Variants in ME3 observed in about 807,000 individuals in gnomAD.
ME3 encodes the protein malic enzyme 3.
ME3 carries 48 observed loss-of-function variants against 68.9 expected under a neutral mutation model. That is an observed-to-expected ratio of 0.70 (90% CI 0.55 to 0.89). The LOEUF (loss-of-function observed/expected upper bound fraction) is 0.89. ME3 is among the 40% of genes least tolerant of loss of function. The pLI, the probability that ME3 is intolerant of heterozygous loss-of-function variation, is 0.00. For missense variants in ME3, 675 were observed against 797.4 expected, an observed-to-expected ratio of 0.85 and a Z score of 1.85; for synonymous variants, 320 against 318.8, an observed-to-expected ratio of 1.00 and a Z score of -0.04.
chr11:86,515,682 C>T (rs369770759), intron 4 of ME3, among the ~76,000 whole-genome samples: 1 of 152,118 alleles, frequency 6.6e-6, no homozygotes, highest in African/African-American at 2.4e-5. Flanking sequence ...CCTGAGATCC[C>T]GCTGATATGG....
At chr11:86,606,337 G>T (rs1435426249) in intron 2 of ME3, among the ~76,000 whole-genome samples, 2 of 152,078 alleles carry the variant, frequency 1.3e-5, no homozygotes, top group Admixed American at 6.5e-5. Flanking sequence ...CTGAGCTGCA[G>T]TTGGGGAAAT....
intron 2 of ME3, among the ~76,000 whole-genome samples, chr11:86,619,581 A>T (rs1031043052): frequency 6.6e-5 from 10 of 152,088 alleles, no homozygotes; most frequent in African/African-American, 2.4e-4. Context: ...GTCTCATGAG[A>T]TCTGATGGTT....
intron 4 of ME3, among the ~76,000 whole-genome samples, chr11:86,531,728 T>A (rs1955247807): frequency 6.7e-6 from 1 of 149,160 alleles, no homozygotes; most frequent in Admixed American, 6.9e-5. Context: ...AAACCATCAT[T>A]CTGAGCAAAC....
intron 4 of ME3, among the ~76,000 whole-genome samples, chr11:86,529,021 G>A (rs187771583): frequency 1.3e-5 from 2 of 152,214 alleles, no homozygotes; most frequent in East Asian, 3.9e-4. Context: ...CTGAACTGAA[G>A]GAGAGAGAGA....
At chr11:86,486,385 C>T (rs1407477706) in intron 7 of ME3, among the ~76,000 whole-genome samples, 1 of 152,186 alleles carries the variant, frequency 6.6e-6, no homozygotes, top group African/African-American at 2.4e-5. Context: ...AGTTTAGTAA[C>T]CTGCCCAAGG....
Position 86,492,945 on chromosome 11 carries a change from G to T in ME3, c.705+5018C>A, listed in dbSNP as rs142958205. 6.1e-3 allele frequency among the ~76,000 whole-genome samples: 925 copies of T among 152,248 alleles called. 3 individuals are homozygous for T. Among genetic ancestry groups the T allele is most frequent in the Non-Finnish European group, 9.2e-3 (623 of 68,018 alleles). ...TGGGAGGTCACGGGATTGGGTTCACGCTGTGGGCACAGCACGCTTTCTCCT... is the reference window on the plus strand; with the variant it reads ...TGGGAGGTCACGGGATTGGGTTCACTCTGTGGGCACAGCACGCTTTCTCCT... On this transcript the variant is annotated intron_variant, in intron 6 of 14. Transcript: ENST00000543262.
At position 86,482,480 on chromosome 11, in the gene ME3, A is replaced by G. The variant is rs565632295; in HGVS notation, c.809+4857T>C. On this transcript the variant is annotated intron_variant, in intron 7 of 14. Transcript: ENST00000543262. ...TATAGTGAGGGCTGCCCCATTCCTC[A>G]TCCTACCCAGGCTAGATAGGGTGTG... Among the ~76,000 whole-genome samples, 4 of 151,358 alleles carry G rather than the reference A, an allele frequency of 2.6e-5. No homozygotes were observed. In the South Asian group the frequency reaches 8.4e-4, roughly 32 times the overall value.
Position 86,628,887 on chromosome 11 carries a change from G to A in ME3, c.183+42875C>T, listed in dbSNP as rs118126925. On this transcript the variant is annotated intron_variant, in intron 2 of 14. Transcript: ENST00000543262. ...GGAGAAACGTTACATGGAGAGAAACGTCTAAATCTAGTATTGACAAGCAAG... is the reference window on the plus strand; with the variant it reads ...GGAGAAACGTTACATGGAGAGAAACATCTAAATCTAGTATTGACAAGCAAG... 3.5e-3 allele frequency among the ~76,000 whole-genome samples: 526 copies of A among 152,282 alleles called. 2 individuals carry two copies. Among genetic ancestry groups the A allele is most frequent in the Admixed American group, 6.2e-3 (95 of 15,292 alleles).
At chr11:86,670,597 GAT>G (rs1946863728) in intron 2 of ME3, among the ~76,000 whole-genome samples, 1 of 152,154 alleles carries the variant, frequency 6.6e-6, no homozygotes, top group Non-Finnish European at 1.5e-5. Flanking sequence ...ACTCCAATGT[GAT>G]AGAGGTTGAT....
At position 86,671,759 on chromosome 11, in the gene ME3, T is replaced by A. The variant is rs2135538818; in HGVS notation, c.183+3A>T. On this transcript the variant is annotated splice_donor_region_variant and intron_variant, in intron 2 of 14. Coordinates refer to ENST00000543262, the Ensembl canonical transcript of ME3. ...CGGGCCGTCCTGCCCTCTGGCCCAT[T>A]ACCTTGTTGAGATGAGGGTTCCTGG... 6.2e-7 allele frequency: 1 copy of A among 1,602,574 alleles called. No homozygotes were observed. The highest frequency in any genetic ancestry group is 1.1e-5 in the South Asian group (1 of 89,418).
intron 4 of ME3, among the ~76,000 whole-genome samples, chr11:86,544,713 G>A (rs1182462433): frequency 2.0e-5 from 3 of 152,176 alleles, no homozygotes; most frequent in South Asian, 2.1e-4. Context: ...ATTCATAGCC[G>A]AATTCTACTA....
At chr11:86,604,361 G>A (rs989727192) in intron 2 of ME3, among the ~76,000 whole-genome samples, 38 of 151,900 alleles carry the variant, frequency 2.5e-4, no homozygotes, top group Admixed American at 8.5e-4. Context: ...GGTTAAGGAG[G>A]GAGTCCATTC....
intron 6 of ME3, among the ~76,000 whole-genome samples, chr11:86,496,195 C>G (rs1952318186): frequency 1.3e-5 from 2 of 151,968 alleles, no homozygotes. Context: ...CACTTGAGGT[C>G]AGGAGTTTGA....
intron 2 of ME3, among the ~76,000 whole-genome samples, chr11:86,651,904 C>G (rs949001610): frequency 1.3e-5 from 2 of 152,152 alleles, no homozygotes; most frequent in Non-Finnish European, 2.9e-5. Context: ...CTTAAAGGAC[C>G]TCATGGAGCT....
At chr11:86,565,953 G>A (rs773448541) in intron 2 of ME3, among the ~76,000 whole-genome samples, 7 of 152,214 alleles carry the variant, frequency 4.6e-5, no homozygotes, top group East Asian at 3.8e-4. Flanking sequence ...AATGGGACAC[G>A]TGCAGCCCCA....
intron 8 of ME3, among the ~76,000 whole-genome samples, chr11:86,460,326 C>G (rs954769208): frequency 1.3e-5 from 2 of 152,226 alleles, no homozygotes; most frequent in African/African-American, 2.4e-5. Flanking sequence ...AGTGCTCGGG[C>G]TTCAGAGGCC....
At chr11:86,451,399 C>A (rs1949625121) in intron 8 of ME3, among the ~76,000 whole-genome samples, 1 of 152,152 alleles carries the variant, frequency 6.6e-6, no homozygotes, top group Non-Finnish European at 1.5e-5. Flanking sequence ...ATCAGGTGGA[C>A]AAAATGGCAT....
intron 2 of ME3, among the ~76,000 whole-genome samples, chr11:86,569,073 A>T (rs1957638794): frequency 6.6e-6 from 1 of 152,250 alleles, no homozygotes; most frequent in African/African-American, 2.4e-5. Flanking sequence ...ATATTGGCAC[A>T]TAGGAAGGGT....
At chr11:86,668,780 A>C (rs992649467) in intron 2 of ME3, among the ~76,000 whole-genome samples, 1 of 152,196 alleles carries the variant, frequency 6.6e-6, no homozygotes, top group Non-Finnish European at 1.5e-5. Flanking sequence ...TGCCACTCCT[A>C]ATCTGTCGAA....
Sources: gnomAD v4.1 joint callset for allele counts (sites outside exome capture counted in the v4.1 genomes callset) on GRCh38, gnomAD v4.1.1 for gene constraint, MANE v1.5 for transcripts, NCBI Gene and HGNC (gene_info 2026-07-23, HGNC 2026-07-21) for gene names.